The following CNTNAP5 variants were observed in gnomAD, a reference collection of about 807,000 sequenced individuals.
CNTNAP5 encodes contactin associated protein family member 5.
A neutral mutation model predicts 150.2 loss-of-function variants in CNTNAP5; 72 were observed. The observed-to-expected ratio is 0.48, with a 90% confidence interval of 0.40 to 0.58. The LOEUF is 0.58. Among genes scored for constraint, CNTNAP5 ranks in the 20% least tolerant of loss-of-function variants. CNTNAP5 has a pLI of 0.00. For synonymous variants in CNTNAP5, 672 were observed against 619.8 expected (o/e 1.08, Z -1.25); for missense variants, 1,636 against 1,626.2 (o/e 1.01, Z -0.10).
chr2:124,297,919 A>T (rs1688482252), intron 3 of CNTNAP5, among the ~76,000 whole-genome samples: 1 of 151,370 alleles, frequency 6.6e-6, no homozygotes, highest in African/African-American at 2.4e-5. Flanking sequence ...ATCTTGGCTC[A>T]CTGCAACCTC....
chr2:124,065,896 A>C (rs543800309), intron 1 of CNTNAP5, among the ~76,000 whole-genome samples: 2 of 152,354 alleles, frequency 1.3e-5, no homozygotes, highest in East Asian at 3.9e-4. Flanking sequence ...ATCAGCTTAA[A>C]GTCCATCTGC....
chr2:124,093,519 A>C (rs1682861790), intron 1 of CNTNAP5, among the ~76,000 whole-genome samples: 1 of 152,336 alleles, frequency 6.6e-6, no homozygotes, highest in Non-Finnish European at 1.5e-5. Context: ...CTGAATATGA[A>C]TGATTTGATG....
intron 14 of CNTNAP5, among the ~76,000 whole-genome samples, chr2:124,761,106 C>T (rs1363391501): frequency 6.6e-6 from 1 of 152,062 alleles, no homozygotes; most frequent in Non-Finnish European, 1.5e-5. Context: ...AATCCTTACC[C>T]TTGGCATGAA....
At chr2:124,346,844 G>C (rs1263532450) in intron 3 of CNTNAP5, among the ~76,000 whole-genome samples, 1 of 150,314 alleles carries the variant, frequency 6.7e-6, no homozygotes, top group Non-Finnish European at 1.5e-5. Flanking sequence ...GCTGAGGTGG[G>C]AGGATCACCT....
chr2:124,511,431 A>G (rs1421767334), intron 8 of CNTNAP5, among the ~76,000 whole-genome samples: 1 of 152,190 alleles, frequency 6.6e-6, no homozygotes. Flanking sequence ...GTGCTTCTCA[A>G]AATGTCAGCC....
At chr2:124,494,480 T>G (rs1229226550) in intron 7 of CNTNAP5, among the ~76,000 whole-genome samples, 1 of 152,150 alleles carries the variant, frequency 6.6e-6, no homozygotes, top group Non-Finnish European at 1.5e-5. Context: ...AGGACAGATC[T>G]TCCCCTCCTA....
chr2:124,479,282 GATTA>G (rs1203730841), intron 7 of CNTNAP5, among the ~76,000 whole-genome samples: 1 of 152,074 alleles, frequency 6.6e-6, no homozygotes, highest in Non-Finnish European at 1.5e-5. Flanking sequence ...TCCTGAAAAT[GATTA>G]ATTTCATACC....
chr2:124,580,037 C>T (rs1464178038), intron 11 of CNTNAP5, among the ~76,000 whole-genome samples: 1 of 152,146 alleles, frequency 6.6e-6, no homozygotes, highest in Admixed American at 6.5e-5. Context: ...TTTGTTTGTT[C>T]CATCATAAGG....
At chr2:124,277,409 T>A (rs568668449) in intron 3 of CNTNAP5, among the ~76,000 whole-genome samples, 2 of 152,240 alleles carry the variant, frequency 1.3e-5, no homozygotes, top group East Asian at 3.9e-4. Flanking sequence ...AAACAGCAAG[T>A]CCTGGTATTG....
At chr2:124,799,276 A>G (rs544489998) in intron 19 of CNTNAP5, among the ~76,000 whole-genome samples, 5 of 152,324 alleles carry the variant, frequency 3.3e-5, no homozygotes, top group African/African-American at 9.6e-5. Flanking sequence ...CACTTCATGC[A>G]AGGAATGGTG....
At chr2:124,071,852 C>T (rs772777774) in intron 1 of CNTNAP5, among the ~76,000 whole-genome samples, 1 of 151,834 alleles carries the variant, frequency 6.6e-6, no homozygotes, top group Non-Finnish European at 1.5e-5. Flanking sequence ...AAAGAGAATA[C>T]TTTCAAATTA....
chr2:124,602,954 T>C (rs985370160), intron 11 of CNTNAP5, among the ~76,000 whole-genome samples: 1 of 152,212 alleles, frequency 6.6e-6, no homozygotes, highest in Non-Finnish European at 1.5e-5. Context: ...TAATCTGTTA[T>C]AAAATCTGAT....
chr2:124,175,603 T>C (rs1175755865), intron 1 of CNTNAP5, among the ~76,000 whole-genome samples: 2 of 152,098 alleles, frequency 1.3e-5, no homozygotes, highest in African/African-American at 4.8e-5. Flanking sequence ...ACCCAAGTAG[T>C]CCCCATTCTC....
intron 20 of CNTNAP5, among the ~76,000 whole-genome samples, chr2:124,866,840 ACT>A (rs1362826601): frequency 4.6e-5 from 7 of 151,126 alleles, no homozygotes; most frequent in East Asian, 2.0e-4. Context: ...ACCATTTTAC[ACT>A]CTCTCCTCTT....
At chr2:124,280,653 C>T (rs1330105964) in intron 3 of CNTNAP5, among the ~76,000 whole-genome samples, 2 of 152,068 alleles carry the variant, frequency 1.3e-5, no homozygotes, top group Non-Finnish European at 2.9e-5. Context: ...TATTATTTAG[C>T]TCTAGATAAT....
At chr2:124,325,919 G>A (rs1689205090) in intron 3 of CNTNAP5, among the ~76,000 whole-genome samples, 1 of 152,196 alleles carries the variant, frequency 6.6e-6, no homozygotes, top group Non-Finnish European at 1.5e-5. Context: ...AAATGAGTGA[G>A]ATGGCTCAGG....
rs115109207 is a variant in CNTNAP5, at chr2:124,345,597, C to T, written c.382-71846C>T. ...GGGTGGGTTAAAGAGGTAGATATAA[C>T]TCTTTCATATGTCTGTCTTTATATT... On this transcript the variant is annotated intron_variant, in intron 3 of 23. Coordinates refer to ENST00000682447, the MANE Select transcript of CNTNAP5 (RefSeq NM_001367498.1). 7.1e-3 allele frequency among the ~76,000 whole-genome samples: 1,084 copies of T among 152,222 alleles called. 9 individuals are homozygous for T. Among genetic ancestry groups the T allele is most frequent in the African/African-American group, 0.025 (1,023 of 41,516 alleles).
Position 124,675,564 on chromosome 2 carries a change from T to G in CNTNAP5, c.2077+27606T>G, listed in dbSNP as rs562408931. ...GGAATTACAATTGGCACCTTATTTT[T>G]AAACAATCAAGTTTGCATTAATCCT... On this transcript the variant is annotated intron_variant, in intron 13 of 23. Transcript: ENST00000682447. Among the ~76,000 whole-genome samples, 14 of 152,256 alleles carry G rather than the reference T, an allele frequency of 9.2e-5. No homozygotes were observed. In the East Asian group the frequency reaches 2.7e-3, roughly 29 times the overall value.
intron 3 of CNTNAP5, among the ~76,000 whole-genome samples, chr2:124,286,453 G>T (rs922618206): frequency 6.6e-6 from 1 of 152,166 alleles, no homozygotes; most frequent in African/African-American, 2.4e-5. Flanking sequence ...TCGTTGTTCT[G>T]GACTGGGACT....
Sources: gnomAD v4.1 joint callset for allele counts (sites outside exome capture counted in the v4.1 genomes callset) on GRCh38, gnomAD v4.1.1 for gene constraint, MANE v1.5 for transcripts, NCBI Gene and HGNC (gene_info 2026-07-23, HGNC 2026-07-21) for gene names.